Variants in PHACTR1 observed in about 807,000 individuals in gnomAD.
PHACTR1 encodes the protein phosphatase and actin regulator 1, also known as RPEL repeat containing 1.
A neutral mutation model predicts 69.2 loss-of-function variants in PHACTR1; 16 were observed. That is an observed-to-expected ratio of 0.23 (90% confidence interval 0.16 to 0.35). The LOEUF is 0.35. Among genes scored for constraint, PHACTR1 ranks in the 10% least tolerant of loss-of-function variants. The pLI, the probability that PHACTR1 is intolerant of heterozygous loss-of-function variation, is 1.00. For synonymous variants in PHACTR1, 312 were observed against 284.5 expected (o/e 1.10, Z -0.97); for missense variants, 510 against 734.7 (o/e 0.69, Z 3.54).
intron 5 of PHACTR1, among the ~76,000 whole-genome samples, chr6:13,078,302 C>G (rs1810856609): frequency 6.6e-6 from 1 of 152,148 alleles, no homozygotes; most frequent in African/African-American, 2.4e-5. Context: ...ATGGCATTCT[C>G]CCTGTGTGCC....
rs545912008 is a variant in PHACTR1, at chr6:12,914,593, A to G, written c.251-138772A>G. On this transcript the variant is annotated intron_variant, in intron 4 of 14. Transcript: ENST00000332995. ...CACACCTTAAATGTAGCAATTGCAA[A>G]TATGAATTCATTCTCTTTACCACCA... Among the ~76,000 whole-genome samples, 4 of 152,242 alleles carry G rather than the reference A, an allele frequency of 2.6e-5. No individual in the cohort carries two copies. The East Asian group carries it at 7.7e-4, about 29-fold the overall frequency.
At chr6:13,219,817 C>T (rs945418139) in intron 8 of PHACTR1, among the ~76,000 whole-genome samples, 3 of 152,060 alleles carry the variant, frequency 2.0e-5, no homozygotes, top group African/African-American at 4.8e-5. Flanking sequence ...TTAAAATTTG[C>T]GGTATAAATT....
chr6:13,122,257 T>C (rs953632419), intron 5 of PHACTR1, among the ~76,000 whole-genome samples: 3 of 152,236 alleles, frequency 2.0e-5, no homozygotes, highest in African/African-American at 7.2e-5. Context: ...CTAGGTATCT[T>C]GTATTTTCAA....
At chr6:13,071,612 T>C (rs1397665745) in intron 5 of PHACTR1, among the ~76,000 whole-genome samples, 1 of 152,168 alleles carries the variant, frequency 6.6e-6, no homozygotes, top group Non-Finnish European at 1.5e-5. Context: ...GATGCAGATG[T>C]AATTTGGCCG....
At chr6:12,880,547 C>T (rs1288294594) in intron 4 of PHACTR1, among the ~76,000 whole-genome samples, 1 of 152,144 alleles carries the variant, frequency 6.6e-6, no homozygotes, top group Non-Finnish European at 1.5e-5. Flanking sequence ...TGAGCCACTG[C>T]ACCTGGCCTA....
At chr6:13,096,488 T>C (rs1194777182) in intron 5 of PHACTR1, among the ~76,000 whole-genome samples, 1 of 152,202 alleles carries the variant, frequency 6.6e-6, no homozygotes, top group African/African-American at 2.4e-5. Flanking sequence ...GGAAGCTTCT[T>C]AGGAAAGCAA....
chr6:12,947,108 G>A (rs1582639747), intron 4 of PHACTR1, among the ~76,000 whole-genome samples: 1 of 152,058 alleles, frequency 6.6e-6, no homozygotes, highest in African/African-American at 2.4e-5. Flanking sequence ...ATGCCCGGCC[G>A]ATGGTGCTGG....
intron 6 of PHACTR1, among the ~76,000 whole-genome samples, chr6:13,173,661 TG>T (rs1298523166): frequency 3.9e-5 from 6 of 152,220 alleles, no homozygotes; most frequent in Non-Finnish European, 7.3e-5. Context: ...GAAAGGTTGT[TG>T]GGATTAACAG....
intron 5 of PHACTR1, among the ~76,000 whole-genome samples, chr6:13,084,023 G>A (rs1278173946): frequency 6.6e-6 from 1 of 151,922 alleles, no homozygotes; most frequent in Non-Finnish European, 1.5e-5. Context: ...CCCATTACTG[G>A]GTATATACCC....
intron 5 of PHACTR1, among the ~76,000 whole-genome samples, chr6:13,118,077 G>A (rs1174775356): frequency 6.6e-6 from 1 of 152,190 alleles, no homozygotes; most frequent in Non-Finnish European, 1.5e-5. Context: ...TCAACATTTG[G>A]TCTGTTTCTA....
chr6:12,904,541 A>T (rs1484192634), intron 4 of PHACTR1, among the ~76,000 whole-genome samples: 1 of 152,108 alleles, frequency 6.6e-6, no homozygotes, highest in African/African-American at 2.4e-5. Context: ...TCTCAAAAAA[A>T]AAAAAAAAAG....
chr6:12,865,482 C>G (rs9349361), intron 4 of PHACTR1, among the ~76,000 whole-genome samples: 147,971 of 151,886 alleles, frequency 0.97, 72,219 homozygotes, highest in East Asian at 1. Flanking sequence ...GTGTGTGTGC[C>G]TGCGTGTGTG....
intron 5 of PHACTR1, among the ~76,000 whole-genome samples, chr6:13,085,816 C>T (rs1475452234): frequency 2.0e-5 from 3 of 151,670 alleles, no homozygotes; most frequent in African/African-American, 4.8e-5. Flanking sequence ...CAGCATTAAA[C>T]GAATACTTAG....
At chr6:13,070,179 C>G (rs553860492) in intron 5 of PHACTR1, among the ~76,000 whole-genome samples, 1 of 152,124 alleles carries the variant, frequency 6.6e-6, no homozygotes, top group Non-Finnish European at 1.5e-5. Flanking sequence ...CTTATCTAGT[C>G]GAATTACAGT....
chr6:13,265,803 A>G (rs934701920), intron 10 of PHACTR1, among the ~76,000 whole-genome samples: 39 of 152,274 alleles, frequency 2.6e-4, no homozygotes, highest in African/African-American at 8.7e-4. Flanking sequence ...CCCAGAATCC[A>G]TGGCAGGGTC....
intron 4 of PHACTR1, among the ~76,000 whole-genome samples, chr6:12,949,793 G>T (rs1791090866): frequency 6.6e-6 from 1 of 152,060 alleles, no homozygotes; most frequent in Non-Finnish European, 1.5e-5. Flanking sequence ...GAATCAATCT[G>T]GATCAATGGT....
intron 4 of PHACTR1, among the ~76,000 whole-genome samples, chr6:12,811,924 T>C (rs1277037547): frequency 6.6e-6 from 1 of 152,124 alleles, no homozygotes; most frequent in African/African-American, 2.4e-5. Context: ...GGTCCTTTGT[T>C]TTTTCTGAAA....
At chr6:13,064,501 A>G (rs1261336609) in intron 5 of PHACTR1, among the ~76,000 whole-genome samples, 2 of 142,426 alleles carry the variant, frequency 1.4e-5, no homozygotes, top group East Asian at 4.2e-4. Context: ...TGGTATAATA[A>G]GCAAATTAAT....
At position 12,919,037 on chromosome 6, in the gene PHACTR1, A is replaced by G. The variant is rs1048406973; in HGVS notation, c.251-134328A>G. 2.6e-5 allele frequency among the ~76,000 whole-genome samples: 4 copies of G among 152,308 alleles called. No homozygotes were observed. The East Asian group carries it at 7.7e-4, about 29-fold the overall frequency. ...GAGACGGAGTTTTGCCATGTTGCCC[A>G]GGCTGGTCTCGAACTCCTGAGCTCA... On this transcript the variant is annotated intron_variant, in intron 4 of 14. Transcript: ENST00000332995.
Sources: gnomAD v4.1 joint callset for allele counts (sites outside exome capture counted in the v4.1 genomes callset) on GRCh38, gnomAD v4.1.1 for gene constraint, MANE v1.5 for transcripts, NCBI Gene and HGNC (gene_info 2026-07-23, HGNC 2026-07-21) for gene names.